SFXN5: variants seen among roughly 807,000 people sequenced by gnomAD.
The protein encoded by SFXN5 is sideroflexin-5.
A neutral mutation model predicts 50.2 loss-of-function variants in SFXN5; 43 were observed. That is an observed-to-expected ratio of 0.86 (90% CI 0.67 to 1.11). The LOEUF (loss-of-function observed/expected upper bound fraction) is 1.11. SFXN5 is among the 50% of genes least tolerant of loss of function. SFXN5 has a pLI of 0.00. For synonymous variants in SFXN5, 203 were observed against 185.8 expected (o/e 1.09, Z -0.75); for missense variants, 463 against 454.1 (o/e 1.02, Z -0.18).
intron 3 of SFXN5, among the ~76,000 whole-genome samples, chr2:73,027,809 G>A (rs1677770917): frequency 1.3e-5 from 2 of 152,026 alleles, no homozygotes; most frequent in Admixed American, 1.3e-4. Context: ...ACAGGCGTGT[G>A]CCACCACACT....
chr2:72,962,135 C>A (rs983661609), intron 12 of SFXN5, among the ~76,000 whole-genome samples: 1 of 152,236 alleles, frequency 6.6e-6, no homozygotes, highest in Non-Finnish European at 1.5e-5. Context: ...CAGCGGGGAC[C>A]ACAGCATTCC....
At chr2:72,969,274 G>T (rs1674866215) in intron 11 of SFXN5, among the ~76,000 whole-genome samples, 1 of 152,236 alleles carries the variant, frequency 6.6e-6, no homozygotes, top group African/African-American at 2.4e-5. Context: ...ACAGGGGCTG[G>T]GGAGCAGCTC....
intron 11 of SFXN5, among the ~76,000 whole-genome samples, chr2:72,971,234 C>T (rs1000151985): frequency 6.6e-6 from 1 of 152,068 alleles, no homozygotes; most frequent in Non-Finnish European, 1.5e-5. Context: ...AGGTAGGGCC[C>T]GGGCAGAGGC....
chr2:72,997,404 G>C (rs1433996175), intron 9 of SFXN5: 4 of 152,116 alleles, frequency 2.6e-5, no homozygotes, highest in Admixed American at 2.6e-4. Flanking sequence ...TATTGTATGT[G>C]AATTCTTCAT....
chr2:73,000,996 C>A (rs937999038), intron 7 of SFXN5, among the ~76,000 whole-genome samples: 1 of 152,228 alleles, frequency 6.6e-6, no homozygotes, highest in African/African-American at 2.4e-5. Flanking sequence ...GACAGGTTTT[C>A]CTTCCTGCCC....
At chr2:72,962,211 C>T (rs893359091) in intron 12 of SFXN5, among the ~76,000 whole-genome samples, 1 of 152,240 alleles carries the variant, frequency 6.6e-6, no homozygotes, top group Non-Finnish European at 1.5e-5. Context: ...TAAATCTGAC[C>T]TCAGTAACTG....
At chr2:72,972,832 G>A (rs1487848862) in intron 10 of SFXN5, among the ~76,000 whole-genome samples, 2 of 152,236 alleles carry the variant, frequency 1.3e-5, no homozygotes, top group African/African-American at 4.8e-5. Flanking sequence ...ATTTTGGGGA[G>A]TGTGTGAGCC....
Position 73,012,649 on chromosome 2 carries a change from AACACACACACACACACACACACAC to A in SFXN5, c.357+7566_357+7589del, listed in dbSNP as rs57635824. Among the ~76,000 whole-genome samples the A allele has an allele frequency of 5.6e-5, 7 of 125,858 alleles. No individual in the cohort carries two copies. The South Asian group carries it at 9.1e-4, about 16-fold the overall frequency. 82.6% of individuals were successfully genotyped at this position (125,858 alleles called of 152,430 possible). A position where few individuals can be genotyped will look rare whatever the true frequency, so the allele number is the denominator to read the frequency against. On this transcript the variant is annotated intron_variant, in intron 6 of 13. Coordinates refer to ENST00000272433, the MANE Select transcript of SFXN5 (RefSeq NM_144579.3). ...GTTCTAAAGGGTATTCTAGCCAAAC[AACACACACACACACACACACACAC>A]ACACACACACACACACACACACACA...
At chr2:73,031,030 T>C (rs887481288) in intron 3 of SFXN5, among the ~76,000 whole-genome samples, 12 of 151,786 alleles carry the variant, frequency 7.9e-5, no homozygotes, top group Admixed American at 6.6e-4. Context: ...AGGTAACCAC[T>C]AGAAAAAGAT....
intron 9 of SFXN5, among the ~76,000 whole-genome samples, chr2:72,990,366 C>G (rs1238047419): frequency 6.6e-6 from 1 of 152,240 alleles, no homozygotes; most frequent in African/African-American, 2.4e-5. Context: ...CCGGCTCATA[C>G]TGGGCCCTGC....
rs760530710 is a variant in SFXN5 at position 73,040,856 on chromosome 2, G to C, written c.247C>G (p.Gln83Glu). The C allele has an allele frequency of 6.2e-7, 1 of 1,610,874 alleles. No individual in the cohort carries two copies. The highest frequency in any genetic ancestry group is 8.5e-7 in the Non-Finnish European group (1 of 1,178,604). Residue 83 changes from glutamine to glutamate, a missense_variant and splice_region_variant, in exon 3 of 14, where the codon CAG becomes GAG. Coordinates refer to ENST00000272433, the MANE Select transcript of SFXN5 (RefSeq NM_144579.3). Reference protein sequence around the residue: ...GTLRPGVTNEQLWSAQKIKQA... With the variant: ...GTLRPGVTNEELWSAQKIKQA... The stretch of plus-strand genomic sequence containing the variant: ...GCTCCCACCTCCCACAGAGTTACCT[G>C]TTCATTGGTGACCCCCGGGCGCAGG...
intron 13 of SFXN5, chr2:72,957,015 C>T (rs901477763): frequency 8.8e-6 from 4 of 456,690 alleles, no homozygotes; most frequent in African/African-American, 8.0e-5. Flanking sequence ...TTGAATCGCC[C>T]AAGTCCTCAG....
chr2:73,056,060 C>T lies in SFXN5; in HGVS notation c.171+2468G>A, dbSNP rs1682073205. Among the ~76,000 whole-genome samples the T allele has an allele frequency of 2.0e-5, 3 of 152,166 alleles. No homozygotes were observed. The South Asian group carries it at 6.2e-4, about 32-fold the overall frequency. ...GGCTGAGTCACGAGAATCACTTGAA[C>T]CCGGGAAGTGGAGGCTGCAATGAGC... is the stretch of plus-strand genomic sequence containing the variant. On this transcript the variant is annotated intron_variant, in intron 2 of 13. Transcript: ENST00000272433.
intron 10 of SFXN5, among the ~76,000 whole-genome samples, chr2:72,972,615 G>A (rs956670662): frequency 3.3e-5 from 5 of 152,188 alleles, no homozygotes; most frequent in Admixed American, 1.3e-4. Flanking sequence ...GTGGCCCAGT[G>A]CAGTGTGGGT....
At chr2:73,050,388 G>GCGCACACACACACACA in intron 2 of SFXN5, among the ~76,000 whole-genome samples, 1,981 of 143,878 alleles carry the variant, frequency 0.014, 16 homozygotes, top group Middle Eastern at 0.018. Flanking sequence ...CAGCCACAGC[G>GCGCACACACACACACA]CACGCACACA....
intron 2 of SFXN5, 125 bp downstream of exon 2, chr2:73,058,403 C>T: frequency 2.4e-6 from 2 of 821,072 alleles, no homozygotes; most frequent in Admixed American, 2.1e-5. Context: ...TGTTACCTTC[C>T]TCTCACCTCT....
At chr2:73,070,741 G>A (rs1360829121) in intron 1 of SFXN5, 1 of 152,274 alleles carries the variant, frequency 6.6e-6, no homozygotes, top group African/African-American at 2.4e-5. Flanking sequence ...AGGTCCCGGA[G>A]GGAAAGGACC....
At chr2:73,016,107 A>T (rs1472303932) in intron 6 of SFXN5, among the ~76,000 whole-genome samples, 1 of 152,046 alleles carries the variant, frequency 6.6e-6, no homozygotes, top group Non-Finnish European at 1.5e-5. Flanking sequence ...TAATTATTGT[A>T]CTTCTTATTG....
At chr2:73,060,639 T>C (rs1682692640) in intron 1 of SFXN5, among the ~76,000 whole-genome samples, 1 of 151,980 alleles carries the variant, frequency 6.6e-6, no homozygotes, top group African/African-American at 2.4e-5. Flanking sequence ...AAAAGTGTTG[T>C]ATCCATGTTA....
Sources: allele counts gnomAD v4.1 joint callset (sites outside exome capture counted in the v4.1 genomes callset), GRCh38; gene constraint gnomAD v4.1.1; transcripts MANE v1.5; gene names NCBI Gene and HGNC (gene_info 2026-07-23, HGNC 2026-07-21).